Variants in PPARGC1A observed in about 807,000 individuals in gnomAD.
PPARGC1A encodes peroxisome proliferator-activated receptor gamma coactivator 1-alpha.
Under a neutral mutation model 88.7 loss-of-function variants are expected in PPARGC1A, and 25 were observed. That is an observed-to-expected ratio of 0.28 (90% CI 0.21 to 0.39). The LOEUF (loss-of-function observed/expected upper bound fraction) is 0.39, where lower values mean the gene tolerates loss of function less well. PPARGC1A is among the 10% of genes least tolerant of loss of function. The pLI is 1.00. For synonymous variants in PPARGC1A, 363 were observed against 355.6 expected, an observed-to-expected ratio of 1.02 and a Z score of -0.24; for missense variants, 880 against 968.7, an observed-to-expected ratio of 0.91 and a Z score of 1.22.
At chr4:23,871,424 T>A (rs916997754) in intron 2 of PPARGC1A, among the ~76,000 whole-genome samples, 1 of 152,192 alleles carries the variant, frequency 6.6e-6, no homozygotes, top group Non-Finnish European at 1.5e-5. Flanking sequence ...AAGTCACTTA[T>A]CCTATATGGC....
upstream of PPARGC1A, chr4:23,903,952 T>A: frequency 1.2e-6 from 1 of 838,912 alleles, no homozygotes; most frequent in Non-Finnish European, 1.4e-6. Flanking sequence ...ACCAATAGCA[T>A]AAAGCCTCCT....
chr4:24,293,946 G>T, the PPARGC1A span, among the ~76,000 whole-genome samples: 1 of 152,102 alleles, frequency 6.6e-6, no homozygotes, highest in East Asian at 1.9e-4. Context: ...TGAAGAGATG[G>T]ATAAATATAT....
the PPARGC1A span, among the ~76,000 whole-genome samples, chr4:24,265,024 G>A: frequency 6.6e-6 from 1 of 152,158 alleles, no homozygotes; most frequent in Admixed American, 6.5e-5. Context: ...GTATGACATT[G>A]TATATGTCAT....
At chr4:23,998,049 TC>T in the PPARGC1A span, among the ~76,000 whole-genome samples, 14 of 152,338 alleles carry the variant, frequency 9.2e-5, no homozygotes, top group Admixed American at 8.5e-4. Context: ...ACTGGATAAA[TC>T]GTCCAAATGA....
chr4:24,380,064 A>G, the PPARGC1A span, among the ~76,000 whole-genome samples: 69 of 152,156 alleles, frequency 4.5e-4, no homozygotes, highest in Non-Finnish European at 7.2e-4. Context: ...GGCCTGAGCC[A>G]CCGTGCCTGG....
the PPARGC1A span, among the ~76,000 whole-genome samples, chr4:24,020,911 T>C: frequency 1.3e-5 from 2 of 152,210 alleles, no homozygotes; most frequent in African/African-American, 4.8e-5. Flanking sequence ...CCGAGGGTGC[T>C]GTTACGAGTT....
chr4:24,311,676 G>T, the PPARGC1A span, among the ~76,000 whole-genome samples: 1 of 151,824 alleles, frequency 6.6e-6, no homozygotes, highest in African/African-American at 2.4e-5. Flanking sequence ...TAAAAGAATG[G>T]ATAGGTTTAA....
the PPARGC1A span, among the ~76,000 whole-genome samples, chr4:23,983,009 T>G: frequency 3.6e-3 from 554 of 152,262 alleles, 3 homozygotes; most frequent in South Asian, 7.7e-3. Context: ...CACACTACAA[T>G]GGCAGCGCTG....
At chr4:24,008,978 C>A in the PPARGC1A span, among the ~76,000 whole-genome samples, 1 of 151,910 alleles carries the variant, frequency 6.6e-6, no homozygotes, top group Non-Finnish European at 1.5e-5. Context: ...TTTACAGCAG[C>A]TCTCTCCTCA....
chr4:24,436,980 T>A, the PPARGC1A span, among the ~76,000 whole-genome samples: 1 of 152,290 alleles, frequency 6.6e-6, no homozygotes, highest in Admixed American at 6.5e-5. Flanking sequence ...TAGGGAGACC[T>A]CAGCTGAGCA....
chr4:24,052,733 G>A, the PPARGC1A span, among the ~76,000 whole-genome samples: 1 of 150,180 alleles, frequency 6.7e-6, no homozygotes, highest in African/African-American at 2.4e-5. Flanking sequence ...CACACTGATT[G>A]TCCTTCTTTT....
At chr4:23,859,519 C>T (rs769417739) in intron 2 of PPARGC1A, among the ~76,000 whole-genome samples, 61 of 152,130 alleles carry the variant, frequency 4.0e-4, no homozygotes, top group African/African-American at 7.7e-4. Flanking sequence ...CGGTGGCTCA[C>T]GCCTGTAATC....
chr4:24,362,078 G>A, the PPARGC1A span, among the ~76,000 whole-genome samples: 2 of 152,184 alleles, frequency 1.3e-5, no homozygotes, highest in Non-Finnish European at 2.9e-5. Context: ...TATTCATTCA[G>A]TGTCGCCATT....
At chr4:23,887,329 A>G (rs1717086614) in intron 1 of PPARGC1A, among the ~76,000 whole-genome samples, 1 of 152,222 alleles carries the variant, frequency 6.6e-6, no homozygotes, top group African/African-American at 2.4e-5. Context: ...AATCTAAAAC[A>G]CATTAGTGGT....
At chr4:23,877,347 T>C (rs1240559457) in intron 2 of PPARGC1A, among the ~76,000 whole-genome samples, 1 of 117,904 alleles carries the variant, frequency 8.5e-6, no homozygotes, top group Non-Finnish European at 1.7e-5. Flanking sequence ...AAACCCCGTC[T>C]CTACTAAAAA....
At chr4:23,996,498 G>GAT in the PPARGC1A span, among the ~76,000 whole-genome samples, 1 of 152,234 alleles carries the variant, frequency 6.6e-6, no homozygotes, top group East Asian at 1.9e-4. Context: ...TCTGATCAAA[G>GAT]CCTAAAAGAT....
chr4:24,251,826 T>C, the PPARGC1A span, among the ~76,000 whole-genome samples: 2 of 152,122 alleles, frequency 1.3e-5, no homozygotes, highest in Non-Finnish European at 2.9e-5. Context: ...AGCTCTCTCT[T>C]CCAAGAGTTC....
the PPARGC1A span, among the ~76,000 whole-genome samples, chr4:24,043,417 A>G: frequency 6.6e-6 from 1 of 152,152 alleles, no homozygotes; most frequent in African/African-American, 2.4e-5. Flanking sequence ...TTAGTCTGGC[A>G]CCGGCTTTAC....
At chr4:24,323,392 T>G in the PPARGC1A span, among the ~76,000 whole-genome samples, 8 of 152,270 alleles carry the variant, frequency 5.3e-5, no homozygotes, top group East Asian at 1.2e-3. Flanking sequence ...GAAAAGGCCC[T>G]GCCCCGCCTT....
Sources: gnomAD v4.1 joint callset for allele counts (sites outside exome capture counted in the v4.1 genomes callset) on GRCh38, gnomAD v4.1.1 for gene constraint, MANE v1.5 for transcripts, NCBI Gene and HGNC (gene_info 2026-07-23, HGNC 2026-07-21) for gene names.